ERMP1: variants seen among roughly 807,000 people sequenced by gnomAD.
ERMP1 encodes the protein Felix-ina.
In ERMP1, 86 loss-of-function variants were observed where a neutral mutation model predicts 92.0. The ratio of observed to expected loss-of-function variants is 0.93; its 90% CI spans 0.79 to 1.12. ERMP1 has a LOEUF of 1.12. ERMP1 is among the 50% of genes most tolerant of loss of function. ERMP1 has a pLI of 0.00. For missense variants in ERMP1, 1,342 were observed against 1,116.3 expected (o/e 1.20, Z -2.88); for synonymous variants, 530 against 412.8 (o/e 1.28, Z -3.44).
Position 5,832,888 on chromosome 9 carries a change from C to T in ERMP1, c.140G>A (p.Gly47Glu). 1 of 1,539,946 alleles carries T rather than the reference C, an allele frequency of 6.5e-7. No homozygotes were observed. The highest frequency in any genetic ancestry group is 8.7e-7 in the Non-Finnish European group (1 of 1,153,602). The change falls in exon 1 of 15, where the codon GGG (glycine) becomes GAG (glutamate). Residue 47 changes from glycine to glutamate, a missense_variant. Transcript: ENST00000339450. ...CCCGGGGCTCCTCTTCCGCGTCCTC[C>T]CGCCGCCGCTGCACCCATCCACCAG... ...EPLVDGCSGG[G>E]RTRKRSPGGS... is the part of the protein sequence containing the mutation.
At chr9:5,813,097 GT>G (rs1829168844) in intron 4 of ERMP1, 62 bp from the exon 5 acceptor site, 3 of 1,561,880 alleles carry the variant, frequency 1.9e-6, no homozygotes, top group Non-Finnish European at 1.8e-6. Flanking sequence ...ACATACTAAT[GT>G]TTTTCAACAC....
rs1415146808 is a variant in ERMP1 at position 5,785,017 on chromosome 9, CAG to C, written c.*2125_*2126del. On this transcript the variant is annotated 3_prime_UTR_variant, in exon 15 of 15. Coordinates refer to ENST00000339450, the MANE Select transcript of ERMP1 (RefSeq NM_024896.3). ...TGTGACAGACAAACGGTATGCTTAA[CAG>C]AGTCATAAATACTGTGTATAATTGC... is the stretch of plus-strand genomic sequence containing the variant. The C allele has an allele frequency of 2.0e-5, 3 of 152,066 alleles. No homozygotes were observed. Among genetic ancestry groups the C allele is most frequent in the African/African-American group, 7.2e-5 (3 of 41,402 alleles). 9.4% of individuals were successfully genotyped at this position (152,066 alleles called of 1,614,324 possible).
chr9:5,859,275 A>ATTAC (rs55964692), intron 6 of ERMP1, among the ~76,000 whole-genome samples: 4 of 151,698 alleles, frequency 2.6e-5, no homozygotes, highest in African/African-American at 9.7e-5. Flanking sequence ...ACTTTGGCAA[A>ATTAC]GGGAGCTCTT....
intron 5 of ERMP1, among the ~76,000 whole-genome samples, chr9:5,860,360 G>C (rs1302527894): frequency 6.6e-6 from 1 of 151,952 alleles, no homozygotes; most frequent in Non-Finnish European, 1.5e-5. Flanking sequence ...CAGTATTTTA[G>C]GGATGAAGTT....
At chr9:5,792,774 C>T (rs1250804754) in intron 13 of ERMP1, among the ~76,000 whole-genome samples, 2 of 152,134 alleles carry the variant, frequency 1.3e-5, no homozygotes, top group Admixed American at 6.6e-5. Context: ...ACAGTGTTAA[C>T]TGAAGACAGA....
intron 4 of ERMP1, among the ~76,000 whole-genome samples, chr9:5,823,266 G>T (rs1829608913): frequency 6.6e-6 from 1 of 151,950 alleles, no homozygotes; most frequent in African/African-American, 2.4e-5. Context: ...GACAGAGCAT[G>T]GCTCTGTCTC....
chr9:5,800,298 T>C (rs1280516085), intron 11 of ERMP1, among the ~76,000 whole-genome samples: 3 of 152,164 alleles, frequency 2.0e-5, no homozygotes, highest in Non-Finnish European at 4.4e-5. Flanking sequence ...TAGCCATCTC[T>C]AACAGAGATG....
intron 6 of ERMP1, among the ~76,000 whole-genome samples, chr9:5,845,527 T>TGAATGATTGATC (rs1253021517): frequency 1.3e-5 from 2 of 152,198 alleles, no homozygotes; most frequent in Non-Finnish European, 2.9e-5. Context: ...CCTGATTGAT[T>TGAATGATTGATC]GATTGATTGA....
chr9:5,860,853 T>A (rs575342935), intron 5 of ERMP1, among the ~76,000 whole-genome samples: 2 of 152,246 alleles, frequency 1.3e-5, no homozygotes, highest in South Asian at 4.1e-4. Flanking sequence ...GTAATCATGA[T>A]AATGGATTAC....
At chr9:5,826,179 G>A (rs1414942751) in intron 2 of ERMP1, among the ~76,000 whole-genome samples, 1 of 152,270 alleles carries the variant, frequency 6.6e-6, no homozygotes. Context: ...GTACACTGGG[G>A]TTCATTAAAC....
chr9:5,851,515 G>C (rs6477004), intron 6 of ERMP1, among the ~76,000 whole-genome samples: 145,041 of 152,314 alleles, frequency 0.95, 69,364 homozygotes, highest in East Asian at 1. Flanking sequence ...AGAAGTGGGA[G>C]GAGGCGAGGG....
intron 5 of ERMP1, among the ~76,000 whole-genome samples, chr9:5,861,477 A>C (rs1830493296): frequency 6.6e-6 from 1 of 152,134 alleles, no homozygotes; most frequent in Admixed American, 6.6e-5. Flanking sequence ...AGCAGGAGCC[A>C]TGTGTGTCAA....
chr9:5,805,792 GAA>G lies in ERMP1; in HGVS notation c.1549-9_1549-8del, dbSNP rs1828848505. 1 of 1,586,164 alleles carries G rather than the reference GAA, an allele frequency of 6.3e-7. No homozygotes were observed. Among genetic ancestry groups the G allele is most frequent in the African/African-American group, 1.4e-5 (1 of 72,120 alleles). ...GATACTGGGCACTGGCATTCTGAAA[GAA>G]AGAAAAATATACAAGTAGTCTCATT... On this transcript the variant is annotated splice_polypyrimidine_tract_variant and splice_region_variant and intron_variant, in intron 8 of 14. Transcript: ENST00000339450.
At chr9:5,857,311 T>C (rs1176752976) in intron 6 of ERMP1, among the ~76,000 whole-genome samples, 1 of 152,188 alleles carries the variant, frequency 6.6e-6, no homozygotes, top group Non-Finnish European at 1.5e-5. Context: ...CATGAGCCAC[T>C]GTGCATGGCC....
intron 6 of ERMP1, chr9:5,856,344 C>T (rs1830373314): frequency 4.7e-6 from 1 of 212,480 alleles, no homozygotes; most frequent in Non-Finnish European, 1.0e-5. Flanking sequence ...CAAGAAATGG[C>T]CATTGGAGAG....
rs1829186184 is a variant in ERMP1, at chr9:5,813,466, C to A, written c.875-431G>T. Among the ~76,000 whole-genome samples, 4 of 152,008 alleles carry A rather than the reference C, an allele frequency of 2.6e-5. No individual in the cohort carries two copies. In the South Asian group the frequency reaches 8.3e-4, roughly 32 times the overall value. On this transcript the variant is annotated intron_variant, in intron 4 of 14. Transcript: ENST00000339450. Reference sequence around the variant, plus strand: ...TGTTGCTAGATACAAATTGGGTATACCTTATCTGAAATGCTTGGGATCAGA... The same window carrying A: ...TGTTGCTAGATACAAATTGGGTATAACTTATCTGAAATGCTTGGGATCAGA...
At chr9:5,847,104 G>T (rs150310804) in intron 6 of ERMP1, among the ~76,000 whole-genome samples, 13 of 152,176 alleles carry the variant, frequency 8.5e-5, no homozygotes, top group African/African-American at 3.1e-4. Context: ...GGGAAGAGAC[G>T]CCAGTAAATT....
At chr9:5,865,999 C>T (rs1002212561) in intron 5 of ERMP1, among the ~76,000 whole-genome samples, 1 of 151,678 alleles carries the variant, frequency 6.6e-6, no homozygotes, top group Non-Finnish European at 1.5e-5. Flanking sequence ...TTGCATTTTC[C>T]AAGTTTTTGG....
At chr9:5,787,712 A>G (rs1828003160) in intron 13 of ERMP1, 119 bp from the exon 14 acceptor site, 2 of 961,112 alleles carry the variant, frequency 2.1e-6, no homozygotes, top group Non-Finnish European at 3.1e-6. Context: ...TATACTTACT[A>G]TAAACCTAAT....
Sources: gnomAD v4.1 joint callset for allele counts (sites outside exome capture counted in the v4.1 genomes callset) on GRCh38, gnomAD v4.1.1 for gene constraint, MANE v1.5 for transcripts, NCBI Gene and HGNC (gene_info 2026-07-23, HGNC 2026-07-21) for gene names.